Variants in TMEM178B observed in about 807,000 individuals in gnomAD.
TMEM178B encodes the protein transmembrane protein 178B.
TMEM178B carries 5 observed loss-of-function variants against 31.0 expected under a neutral mutation model. That is an observed-to-expected ratio of 0.16 (90% CI 0.08 to 0.34). The LOEUF (loss-of-function observed/expected upper bound fraction) is 0.34. Among genes scored for constraint, TMEM178B ranks in the 10% least tolerant of loss-of-function variants. The pLI, the probability that TMEM178B is intolerant of heterozygous loss-of-function variation, is 1.00. For missense variants in TMEM178B, 275 were observed against 400.3 expected, an observed-to-expected ratio of 0.69 and a Z score of 2.67; for synonymous variants, 164 against 164.0, an observed-to-expected ratio of 1.00 and a Z score of 0.00.
At chr7:141,246,698 A>G (rs1012494969) in intron 2 of TMEM178B, among the ~76,000 whole-genome samples, 7 of 152,176 alleles carry the variant, frequency 4.6e-5, no homozygotes, top group Admixed American at 1.3e-4. Flanking sequence ...TAGAGGTGGG[A>G]ACAAGAGACA....
At chr7:141,380,872 C>T (rs1056229074) in intron 2 of TMEM178B, among the ~76,000 whole-genome samples, 20 of 152,098 alleles carry the variant, frequency 1.3e-4, no homozygotes, top group African/African-American at 4.6e-4. Flanking sequence ...AAGGCTATAC[C>T]TCTCAGTCTG....
chr7:141,324,705 C>T (rs1799160127), intron 2 of TMEM178B, among the ~76,000 whole-genome samples: 1 of 151,976 alleles, frequency 6.6e-6, no homozygotes, highest in Non-Finnish European at 1.5e-5. Context: ...TTAATCAGAG[C>T]ATATCATCCC....
In TMEM178B at chr7:141,422,030, T is replaced by C. The variant is rs1421635934; in HGVS notation, c.497-15578T>C. On this transcript the variant is annotated intron_variant, in intron 2 of 3. Coordinates refer to ENST00000565468, the MANE Select transcript of TMEM178B (RefSeq NM_001195278.2). This position sits in a 1 kb window ranked among gnomAD's most constrained non-coding sequence, Gnocchi z 4.2. ...ACCTCAGTCTTATATTAATATTTAG[T>C]TTACATCTTCTCCCTTTCCCAGCTC... Among the ~76,000 whole-genome samples the C allele has an allele frequency of 6.6e-6, 1 of 152,182 alleles. No individual in the cohort carries two copies. Among genetic ancestry groups the C allele is most frequent in the African/African-American group, 2.4e-5 (1 of 41,446 alleles).
the TMEM178B span, among the ~76,000 whole-genome samples, chr7:141,496,957 G>A: frequency 6.6e-6 from 1 of 152,078 alleles, no homozygotes; most frequent in African/African-American, 2.4e-5. Context: ...GTGAAGACAG[G>A]GAGAAGATCT....
chr7:141,132,880 A>C (rs1330254921), intron 1 of TMEM178B, among the ~76,000 whole-genome samples: 1 of 152,234 alleles, frequency 6.6e-6, no homozygotes, highest in Non-Finnish European at 1.5e-5. Context: ...TCTGATGACC[A>C]GTCTGCCTGG....
intron 3 of TMEM178B, among the ~76,000 whole-genome samples, chr7:141,444,709 C>T (rs919256402): frequency 1.3e-5 from 2 of 152,118 alleles, no homozygotes; most frequent in Non-Finnish European, 2.9e-5. Flanking sequence ...CCTAGGTCAC[C>T]TGGCCAGTGA....
chr7:141,456,599 G>A (rs1801968914), intron 3 of TMEM178B, among the ~76,000 whole-genome samples: 1 of 152,210 alleles, frequency 6.6e-6, no homozygotes, highest in African/African-American at 2.4e-5. Flanking sequence ...CCTAGAAGAT[G>A]AATGGCCAGA....
chr7:141,074,136 A>G lies in TMEM178B; in HGVS notation c.-175A>G. 2 of 933,016 alleles carry G rather than the reference A, an allele frequency of 2.1e-6. No individual in the cohort carries two copies. Among genetic ancestry groups the G allele is most frequent in the Non-Finnish European group, 2.9e-6 (2 of 682,434 alleles). The allele number at this position is 933,016 out of a possible 1,614,324, so 57.8% of individuals were successfully genotyped here. ...AGAACTTTTTAGGCCGCCCGCCCCCATCCCCGCAGTCCCCGGGCCGTGCTC... is the reference window on the plus strand; with the variant it reads ...AGAACTTTTTAGGCCGCCCGCCCCCGTCCCCGCAGTCCCCGGGCCGTGCTC... On this transcript the variant is annotated 5_prime_UTR_variant, in exon 1 of 4. Coordinates refer to ENST00000565468, the MANE Select transcript of TMEM178B (RefSeq NM_001195278.2). This position sits in a 1 kb window ranked among gnomAD's most constrained non-coding sequence, Gnocchi z 5.1.
chr7:141,271,394 A>G (rs1176848019), intron 2 of TMEM178B, among the ~76,000 whole-genome samples: 2 of 152,164 alleles, frequency 1.3e-5, no homozygotes, highest in African/African-American at 2.4e-5. Context: ...TTTCCTTCTG[A>G]CTTTCCTCTT....
chr7:141,273,603 T>A (rs544903708), intron 2 of TMEM178B, among the ~76,000 whole-genome samples: 13 of 152,266 alleles, frequency 8.5e-5, no homozygotes, highest in African/African-American at 3.1e-4. Flanking sequence ...AGAATAGTGA[T>A]TATTAATCAT....
At chr7:141,437,890 C>G in intron 3 of TMEM178B, 145 bp downstream of exon 3, 1 of 1,214,260 alleles carries the variant, frequency 8.2e-7, no homozygotes, top group East Asian at 2.6e-5. Flanking sequence ...ACAAGCACTT[C>G]TTGAGTTGCT....
At chr7:141,102,554 T>C (rs1795075661) in intron 1 of TMEM178B, among the ~76,000 whole-genome samples, 1 of 152,226 alleles carries the variant, frequency 6.6e-6, no homozygotes, top group Non-Finnish European at 1.5e-5. Context: ...CCTACACTGC[T>C]GCTATAAGGC....
intron 2 of TMEM178B, among the ~76,000 whole-genome samples, chr7:141,274,710 CT>C (rs1798238576): frequency 6.6e-6 from 1 of 152,166 alleles, no homozygotes; most frequent in African/African-American, 2.4e-5. Flanking sequence ...TTCCAAAGTC[CT>C]GGACACTTGG....
intron 2 of TMEM178B, among the ~76,000 whole-genome samples, chr7:141,284,398 G>T (rs765473461): frequency 3.9e-4 from 59 of 152,020 alleles, no homozygotes; most frequent in Admixed American, 8.5e-4. Context: ...AAGATTCAAG[G>T]GATGATACCT....
chr7:141,371,785 C>A (rs866194161), intron 2 of TMEM178B, among the ~76,000 whole-genome samples: 28 of 152,178 alleles, frequency 1.8e-4, no homozygotes, highest in East Asian at 1.3e-3. Context: ...CTCAGCCCAT[C>A]TGTCCACCTA....
At chr7:141,371,497 C>A (rs949061995) in intron 2 of TMEM178B, among the ~76,000 whole-genome samples, 2 of 152,284 alleles carry the variant, frequency 1.3e-5, no homozygotes, top group East Asian at 3.9e-4. Context: ...AATTACCTGC[C>A]TCAAGTATTC....
chr7:141,094,856 C>G (rs1173095542), intron 1 of TMEM178B, among the ~76,000 whole-genome samples: 2 of 152,212 alleles, frequency 1.3e-5, no homozygotes, highest in Non-Finnish European at 2.9e-5. Context: ...AAATGCTTCA[C>G]TGTGTCTGCA....
rs28639706 is a variant in TMEM178B, at chr7:141,129,302, G to A, written c.382+54610G>A. On this transcript the variant is annotated intron_variant, in intron 1 of 3. Coordinates refer to ENST00000565468, the MANE Select transcript of TMEM178B (RefSeq NM_001195278.2). Reference sequence around the variant, plus strand: ...ATCAGTAGCTGAAAATATCTGAGATGTCATATAAGAAATATTCATATTCCC... The same window carrying A: ...ATCAGTAGCTGAAAATATCTGAGATATCATATAAGAAATATTCATATTCCC... Among the ~76,000 whole-genome samples the A allele has an allele frequency of 6.3e-3, 964 of 152,306 alleles. 11 individuals carry two copies. The highest frequency in any genetic ancestry group is 0.021 in the African/African-American group (880 of 41,544).
At chr7:141,378,420 T>C (rs1800257614) in intron 2 of TMEM178B, among the ~76,000 whole-genome samples, 1 of 152,220 alleles carries the variant, frequency 6.6e-6, no homozygotes, top group Non-Finnish European at 1.5e-5. Flanking sequence ...CATATGGTTT[T>C]TTTCTGAACC....
Sources: gnomAD v4.1 joint callset for allele counts (sites outside exome capture counted in the v4.1 genomes callset) on GRCh38, gnomAD v4.1.1 for gene constraint, Gnocchi (gnomAD v3.1) non-coding constraint, MANE v1.5 for transcripts, NCBI Gene and HGNC (gene_info 2026-07-23, HGNC 2026-07-21) for gene names.